The following PABPC4L variants were observed in gnomAD, a reference collection of about 807,000 sequenced individuals.
The protein encoded by PABPC4L is poly(A) binding protein cytoplasmic 4 like.
For synonymous variants in PABPC4L, 169 were observed against 164.1 expected, an observed-to-expected ratio of 1.03 and a Z score of -0.23; for missense variants, 452 against 451.4, an observed-to-expected ratio of 1.00 and a Z score of -0.01.
At chr4:134,057,586 T>C in the PABPC4L span, among the ~76,000 whole-genome samples, 1 of 152,084 alleles carries the variant, frequency 6.6e-6, no homozygotes, top group Non-Finnish European at 1.5e-5. Context: ...ATGAAAGTTC[T>C]GCCTCCTGAC....
chr4:134,078,735 T>C, the PABPC4L span, among the ~76,000 whole-genome samples: 1 of 145,478 alleles, frequency 6.9e-6, no homozygotes, highest in African/African-American at 2.5e-5. Flanking sequence ...CACCACAACC[T>C]CCACCTCCCC....
chr4:134,170,696 T>C, the PABPC4L span, among the ~76,000 whole-genome samples: 1 of 152,044 alleles, frequency 6.6e-6, no homozygotes, highest in Non-Finnish European at 1.5e-5. Flanking sequence ...AGGATGACAA[T>C]AGACCAATCA....
chr4:134,109,751 A>C, the PABPC4L span, among the ~76,000 whole-genome samples: 1 of 146,684 alleles, frequency 6.8e-6, no homozygotes, highest in East Asian at 2.0e-4. Flanking sequence ...TTTCTAGATC[A>C]TTTTTTTTTT....
At chr4:134,060,929 T>C in the PABPC4L span, among the ~76,000 whole-genome samples, 696 of 152,040 alleles carry the variant, frequency 4.6e-3, 5 homozygotes, top group African/African-American at 0.016. Flanking sequence ...CTGGGAAGGA[T>C]AGTGTGGGAG....
chr4:134,002,973 G>T, the PABPC4L span, among the ~76,000 whole-genome samples: 1 of 151,778 alleles, frequency 6.6e-6, no homozygotes, highest in African/African-American at 2.4e-5. Flanking sequence ...TAGGAAAAAA[G>T]ACTATAAAAG....
At chr4:134,023,062 A>AT in the PABPC4L span, among the ~76,000 whole-genome samples, 1 of 152,068 alleles carries the variant, frequency 6.6e-6, no homozygotes, top group African/African-American at 2.4e-5. Context: ...ACTTGCAACA[A>AT]TGCCCAACAC....
chr4:133,968,616 G>A, the PABPC4L span, among the ~76,000 whole-genome samples: 2 of 152,096 alleles, frequency 1.3e-5, no homozygotes, highest in East Asian at 1.9e-4. Flanking sequence ...AATGGGCCAC[G>A]TAAATAGACC....
the PABPC4L span, among the ~76,000 whole-genome samples, chr4:134,122,571 T>G: frequency 6.6e-6 from 1 of 151,852 alleles, no homozygotes; most frequent in Non-Finnish European, 1.5e-5. Context: ...TTCTACATAA[T>G]ACCAAATGCA....
At chr4:134,092,696 C>A in the PABPC4L span, among the ~76,000 whole-genome samples, 1 of 151,982 alleles carries the variant, frequency 6.6e-6, no homozygotes, top group Non-Finnish European at 1.5e-5. Context: ...CATTTAAGGG[C>A]ACTCACCCCA....
At chr4:134,175,235 G>A in the PABPC4L span, among the ~76,000 whole-genome samples, 1 of 152,042 alleles carries the variant, frequency 6.6e-6, no homozygotes, top group Non-Finnish European at 1.5e-5. Context: ...AATCTGAAAA[G>A]CATGAAATCA....
the PABPC4L span, among the ~76,000 whole-genome samples, chr4:134,022,581 T>A: frequency 2.6e-5 from 4 of 152,156 alleles, no homozygotes; most frequent in Non-Finnish European, 4.4e-5. Context: ...GTTTTTTTTT[T>A]ATTTCCTTTA....
the PABPC4L span, among the ~76,000 whole-genome samples, chr4:134,043,206 G>C: frequency 6.6e-6 from 1 of 152,068 alleles, no homozygotes; most frequent in Admixed American, 6.6e-5. Context: ...ATTAAATTAT[G>C]TTGTATTTTC....
the PABPC4L span, among the ~76,000 whole-genome samples, chr4:134,129,271 A>G: frequency 2.0e-5 from 3 of 152,128 alleles, no homozygotes; most frequent in Admixed American, 6.6e-5. Context: ...GGTCATCAAG[A>G]CAGAAAGTCA....
At chr4:134,060,803 C>A in the PABPC4L span, among the ~76,000 whole-genome samples, 15 of 151,916 alleles carry the variant, frequency 9.9e-5, no homozygotes, top group Admixed American at 5.3e-4. Flanking sequence ...ATTATGTTAA[C>A]GGAAATAAGC....
chr4:134,092,627 G>A, the PABPC4L span, among the ~76,000 whole-genome samples: 3 of 151,996 alleles, frequency 2.0e-5, no homozygotes, highest in African/African-American at 7.2e-5. Flanking sequence ...TGGGGCTCTA[G>A]AGGTCACGGT....
At chr4:134,135,582 C>A in the PABPC4L span, among the ~76,000 whole-genome samples, 3 of 152,028 alleles carry the variant, frequency 2.0e-5, no homozygotes, top group Non-Finnish European at 4.4e-5. Flanking sequence ...ACCGTAATCC[C>A]GGCACTTGGG....
At chr4:133,961,805 TGAG>T in the PABPC4L span, among the ~76,000 whole-genome samples, 1 of 152,284 alleles carries the variant, frequency 6.6e-6, no homozygotes, top group Non-Finnish European at 1.5e-5. Flanking sequence ...TGTGATCCAG[TGAG>T]GCATGTCCAT....
At chr4:134,070,999 T>A in the PABPC4L span, among the ~76,000 whole-genome samples, 1 of 152,154 alleles carries the variant, frequency 6.6e-6, no homozygotes. Context: ...CCACTGCAGA[T>A]GTTCCCATAC....
chr4:134,092,905 ACT>A, the PABPC4L span, among the ~76,000 whole-genome samples: 1 of 151,768 alleles, frequency 6.6e-6, no homozygotes, highest in South Asian at 2.1e-4. Context: ...TTTCCTCACA[ACT>A]CTCTTATTTT....
Sources: allele counts gnomAD v4.1 joint callset (sites outside exome capture counted in the v4.1 genomes callset), GRCh38; gene constraint gnomAD v4.1.1; transcripts MANE v1.5; gene names NCBI Gene and HGNC (gene_info 2026-07-23, HGNC 2026-07-21).